RORA: variants seen among roughly 807,000 people sequenced by gnomAD.
RORA encodes the protein RAR related orphan receptor A, also known as nuclear receptor ROR-alpha.
Under a neutral mutation model 69.5 loss-of-function variants are expected in RORA, and 7 were observed. The observed-to-expected ratio is 0.10, with a 90% CI of 0.06 to 0.19. RORA has a LOEUF of 0.19. Ranked by LOEUF, RORA falls within the 10% of genes least tolerant of loss-of-function variation. The pLI, the probability that RORA is intolerant of heterozygous loss-of-function variation, is 1.00. For synonymous variants in RORA, 261 were observed against 240.8 expected, an observed-to-expected ratio of 1.08 and a Z score of -0.78; for missense variants, 457 against 663.0, an observed-to-expected ratio of 0.69 and a Z score of 3.41.
chr15:60,640,555 C>G (rs143972885), intron 2 of RORA, among the ~76,000 whole-genome samples: 17 of 152,290 alleles, frequency 1.1e-4, no homozygotes, highest in Non-Finnish European at 2.1e-4. Context: ...CTTCAAAGGC[C>G]CATGTGATCA....
At chr15:60,626,294 G>T (rs2069577634) in intron 2 of RORA, among the ~76,000 whole-genome samples, 1 of 152,186 alleles carries the variant, frequency 6.6e-6, no homozygotes, top group Admixed American at 6.5e-5. Context: ...ATGATCCCTA[G>T]GGATTAGGGC....
At chr15:60,993,508 T>C (rs954096384) in intron 1 of RORA, among the ~76,000 whole-genome samples, 3 of 151,982 alleles carry the variant, frequency 2.0e-5, no homozygotes, top group African/African-American at 4.8e-5. Flanking sequence ...GCATGCATGG[T>C]GGCAGATGCC....
At chr15:60,539,008 C>T (rs1041424160) in intron 2 of RORA, among the ~76,000 whole-genome samples, 1 of 151,878 alleles carries the variant, frequency 6.6e-6, no homozygotes, top group Non-Finnish European at 1.5e-5. Context: ...TGCACACACA[C>T]ACACACACAC....
At chr15:60,972,378 G>A (rs1013997821) in intron 1 of RORA, among the ~76,000 whole-genome samples, 7 of 152,194 alleles carry the variant, frequency 4.6e-5, no homozygotes, top group African/African-American at 1.7e-4. Flanking sequence ...TGTAGCTCAC[G>A]AAGCACTCCC....
At chr15:60,965,305 A>G (rs186568992) in intron 1 of RORA, among the ~76,000 whole-genome samples, 2 of 152,296 alleles carry the variant, frequency 1.3e-5, no homozygotes, top group East Asian at 1.9e-4. Flanking sequence ...AGAGCATCCC[A>G]GCAATAGAAC....
chr15:60,788,595 T>C (rs958569012), intron 1 of RORA, among the ~76,000 whole-genome samples: 1 of 152,220 alleles, frequency 6.6e-6, no homozygotes, highest in Non-Finnish European at 1.5e-5. Flanking sequence ...CATTTTGCAG[T>C]GAGCTGGAAG....
chr15:60,924,185 G>A (rs78813956), intron 1 of RORA, among the ~76,000 whole-genome samples: 1 of 151,818 alleles, frequency 6.6e-6, no homozygotes. Context: ...ATCTCCTGAA[G>A]GTGTTAGCTG....
intron 4 of RORA, among the ~76,000 whole-genome samples, chr15:60,512,983 A>G (rs1344035903): frequency 6.6e-6 from 1 of 152,222 alleles, no homozygotes; most frequent in African/African-American, 2.4e-5. Flanking sequence ...TTTATAGCTG[A>G]TGGGGTGGAT....
chr15:60,547,642 A>G (rs1305219286), intron 2 of RORA: 2 of 130,468 alleles, frequency 1.5e-5, no homozygotes, highest in Non-Finnish European at 1.5e-5. Context: ...TTTTTTTTTT[A>G]AGGAAAATGG....
At chr15:60,855,103 T>C (rs1387999919) in intron 1 of RORA, among the ~76,000 whole-genome samples, 1 of 152,202 alleles carries the variant, frequency 6.6e-6, no homozygotes, top group Admixed American at 6.5e-5. Context: ...TGGGGGATGC[T>C]CTCGGCACTG....
intron 1 of RORA, among the ~76,000 whole-genome samples, chr15:60,795,258 A>G (rs1174029489): frequency 6.6e-6 from 1 of 152,204 alleles, no homozygotes; most frequent in East Asian, 1.9e-4. Flanking sequence ...AATGTTTCAA[A>G]TGGGCTATTC....
intron 2 of RORA, among the ~76,000 whole-genome samples, chr15:60,664,428 A>G (rs529597745): frequency 6.6e-6 from 1 of 152,192 alleles, no homozygotes; most frequent in South Asian, 2.1e-4. Context: ...GCTATTAAAG[A>G]CTCCCATCTG....
In RORA at chr15:61,112,113, T is replaced by G. The variant is rs115768983; in HGVS notation, c.166+116940A>C. Among the ~76,000 whole-genome samples, 801 of 152,250 alleles carry G rather than the reference T, an allele frequency of 5.3e-3. 5 individuals carry two copies. Among genetic ancestry groups the G allele is most frequent in the Middle Eastern group, 0.02 (6 of 294 alleles). On this transcript the variant is annotated intron_variant, in intron 1 of 10. Coordinates refer to ENST00000335670, the MANE Select transcript of RORA (RefSeq NM_134261.3). ...TGCTGCCGGTCCTCAAATTGGTCAT[T>G]GTTGGTCTGGGGCAAGAGAAGTACA...
intron 1 of RORA, among the ~76,000 whole-genome samples, chr15:61,093,749 G>T (rs184247181): frequency 1.1e-3 from 161 of 152,300 alleles, no homozygotes; most frequent in African/African-American, 3.7e-3. Flanking sequence ...CACCTCTGAA[G>T]CTAATCAACT....
At chr15:61,138,608 T>C (rs145990268) in intron 1 of RORA, among the ~76,000 whole-genome samples, 2,268 of 152,092 alleles carry the variant, frequency 0.015, 60 homozygotes, top group African/African-American at 0.051. Context: ...CTGCTACCCC[T>C]CAGCAAAAAG....
chr15:60,845,840 G>A (rs2073258752), intron 1 of RORA, among the ~76,000 whole-genome samples: 2 of 152,214 alleles, frequency 1.3e-5, no homozygotes, highest in African/African-American at 4.8e-5. Context: ...TCCGCCTCCC[G>A]GGTTCACACC....
intron 1 of RORA, among the ~76,000 whole-genome samples, chr15:61,137,042 AG>A (rs1406603270): frequency 2.8e-5 from 4 of 144,578 alleles, no homozygotes; most frequent in African/African-American, 1.1e-4. Context: ...AAAGAAAGAA[AG>A]AAAGAAAGAA....
rs572709430 is a variant in RORA at position 61,215,611 on chromosome 15, A to T, written c.166+13442T>A. ...GCATTTTTTTATGCCAAAGTCATAT[A>T]TCTTCTTGATCTGCCTGACACAATA... On this transcript the variant is annotated intron_variant, in intron 1 of 10. Coordinates refer to ENST00000335670, the MANE Select transcript of RORA (RefSeq NM_134261.3). Among the ~76,000 whole-genome samples the T allele has an allele frequency of 2.6e-5, 4 of 152,346 alleles. No homozygotes were observed. In the East Asian group the frequency reaches 7.7e-4, roughly 29 times the overall value.
intron 1 of RORA, among the ~76,000 whole-genome samples, chr15:60,870,621 T>C (rs540792296): frequency 8.1e-4 from 124 of 152,328 alleles, no homozygotes; most frequent in Non-Finnish European, 7.6e-4. Flanking sequence ...TAACTGTATA[T>C]GCGTGGTGAC....
Sources: allele counts gnomAD v4.1 joint callset (sites outside exome capture counted in the v4.1 genomes callset), GRCh38; gene constraint gnomAD v4.1.1; transcripts MANE v1.5; gene names NCBI Gene and HGNC (gene_info 2026-07-23, HGNC 2026-07-21).